PATJ: variants seen among roughly 807,000 people sequenced by gnomAD.
The protein encoded by PATJ is PATJ crumbs cell polarity complex component, also known as inaD-like protein.
A neutral mutation model predicts 224.9 loss-of-function variants in PATJ; 190 were observed. That is an observed-to-expected ratio of 0.84 (90% CI 0.75 to 0.95). The LOEUF is 0.95. Ranked by LOEUF, PATJ falls within the 40% of genes least tolerant of loss-of-function variation. The pLI is 0.00. For missense variants in PATJ, 2,121 were observed against 2,270.3 expected (o/e 0.93, Z 1.34); for synonymous variants, 769 against 820.3 (o/e 0.94, Z 1.07).
intron 33 of PATJ, among the ~76,000 whole-genome samples, chr1:62,089,749 GTCTTGGGATGGCA>G (rs150996277): frequency 0.026 from 3,998 of 151,936 alleles, 111 homozygotes; most frequent in South Asian, 0.14. Context: ...TTCCAGTCAG[GTCTTGGGATGGCA>G]TCCAGCTAGC....
intron 27 of PATJ, among the ~76,000 whole-genome samples, chr1:61,939,146 AAAT>A (rs1178681840): frequency 1.7e-4 from 25 of 147,126 alleles, no homozygotes; most frequent in African/African-American, 6.2e-4. Context: ...AAAAAAAAAA[AAAT>A]TCATGTAATT....
intron 30 of PATJ, chr1:62,039,049 GGGAA>G: frequency 1.1e-6 from 1 of 950,720 alleles, no homozygotes; most frequent in Non-Finnish European, 1.7e-6. Context: ...ATCAGATAAT[GGGAA>G]CATTATGATC....
intron 41 of PATJ, among the ~76,000 whole-genome samples, chr1:62,144,795 T>TATAA (rs1558231544): frequency 2.1e-5 from 3 of 146,258 alleles, no homozygotes; most frequent in Non-Finnish European, 3.0e-5. Context: ...TATATATATA[T>TATAA]AATTAGCAGA....
rs191905739 is a variant in PATJ, at chr1:62,043,469, C to A, written c.4032+5420C>A. Among the ~76,000 whole-genome samples the A allele has an allele frequency of 2.7e-3, 404 of 152,162 alleles. 1 individual carries two copies. Among genetic ancestry groups the A allele is most frequent in the Admixed American group, 5.0e-3 (77 of 15,280 alleles). On this transcript the variant is annotated intron_variant, in intron 30 of 43. Transcript: ENST00000642238. ...ATGGGTTTGATAATAATAATTAATT[C>A]TATGGACTTGTTAGAAGTATTAAGT...
chr1:61,978,697 A>AT (rs570510358), intron 27 of PATJ, among the ~76,000 whole-genome samples: 5 of 151,972 alleles, frequency 3.3e-5, no homozygotes, highest in Admixed American at 6.6e-5. Flanking sequence ...ATTATACCTG[A>AT]TTTTTTTTAA....
intron 43 of PATJ, among the ~76,000 whole-genome samples, chr1:62,154,361 T>C (rs1307604795): frequency 6.6e-6 from 1 of 152,116 alleles, no homozygotes; most frequent in African/African-American, 2.4e-5. Flanking sequence ...ACTGCTTTGT[T>C]TTCCTAAAGA....
At chr1:61,880,954 C>T (rs1012731798) in intron 21 of PATJ, among the ~76,000 whole-genome samples, 1 of 152,120 alleles carries the variant, frequency 6.6e-6, no homozygotes, top group Non-Finnish European at 1.5e-5. Context: ...ATTAGCCGGG[C>T]ATGGTGGCAC....
At chr1:62,123,176 T>G (rs1305170792) in intron 39 of PATJ, 118 bp downstream of exon 39, 15 of 700,130 alleles carry the variant, frequency 2.1e-5, no homozygotes, top group Non-Finnish European at 3.4e-5. Context: ...GTTACTGAGA[T>G]AAAAATATGG....
At chr1:61,833,518 A>G in intron 16 of PATJ, 136 bp from the exon 17 acceptor site, 1 of 804,582 alleles carries the variant, frequency 1.2e-6, no homozygotes, top group East Asian at 2.9e-5. Flanking sequence ...CCCTTTTACA[A>G]AGATTAAAAA....
chr1:61,864,702 A>G (rs17371993), intron 20 of PATJ, 69 bp downstream of exon 20: 1 of 1,371,758 alleles, frequency 7.3e-7, no homozygotes, highest in Non-Finnish European at 9.9e-7. Context: ...TCTCTAACTC[A>G]TGTCACTTCA....
intron 28 of PATJ, among the ~76,000 whole-genome samples, chr1:62,001,551 C>T (rs528593559): frequency 2.0e-5 from 3 of 151,022 alleles, no homozygotes; most frequent in Non-Finnish European, 4.4e-5. Flanking sequence ...TGATCTATAT[C>T]TCTGTTTCGG....
At chr1:61,958,729 A>G (rs1211794476) in intron 27 of PATJ, among the ~76,000 whole-genome samples, 2 of 152,198 alleles carry the variant, frequency 1.3e-5, no homozygotes, top group African/African-American at 4.8e-5. Flanking sequence ...GAGGGAGAAT[A>G]TGGAGGCCCA....
chr1:61,821,353 A>G (rs940817560), intron 14 of PATJ, among the ~76,000 whole-genome samples: 15 of 152,310 alleles, frequency 9.8e-5, no homozygotes, highest in South Asian at 6.2e-4. Context: ...CGGAAAAACT[A>G]TCTTAGCCTT....
At chr1:61,848,245 C>T (rs550983098) in intron 17 of PATJ, among the ~76,000 whole-genome samples, 5 of 152,286 alleles carry the variant, frequency 3.3e-5, no homozygotes, top group East Asian at 1.9e-4. Context: ...AGGTGGGGAC[C>T]GGGCTAGGTC....
At chr1:62,051,626 C>G (rs1019026364) in intron 31 of PATJ, among the ~76,000 whole-genome samples, 4 of 152,240 alleles carry the variant, frequency 2.6e-5, no homozygotes, top group African/African-American at 9.6e-5. Context: ...TGTGCCTGGC[C>G]TGCAATTTAT....
chr1:61,861,284 CTTTTTT>C, intron 18 of PATJ, among the ~76,000 whole-genome samples: 3,627 of 48,930 alleles, frequency 0.074, 155 homozygotes, highest in Middle Eastern at 0.22. Flanking sequence ...TTCTTTCTTT[CTTTTTT>C]TTTTTTTTTT....
chr1:61,790,703 G>A lies in PATJ; in HGVS notation c.1069-645G>A, dbSNP rs537162789. On this transcript the variant is annotated intron_variant, in intron 8 of 43. Transcript: ENST00000642238. Reference sequence around the variant, plus strand: ...TAATATTTGTATTTTTAGTAGAGACGGGGTTTCATCATGCTGGCCAGGCTG... The same window carrying A: ...TAATATTTGTATTTTTAGTAGAGACAGGGTTTCATCATGCTGGCCAGGCTG... 3.6e-3 allele frequency among the ~76,000 whole-genome samples: 540 copies of A among 151,810 alleles called. 4 individuals are homozygous for A. The highest frequency in any genetic ancestry group is 0.013 in the African/African-American group (522 of 41,404).
At chr1:61,968,555 T>C (rs1188311733) in intron 27 of PATJ, among the ~76,000 whole-genome samples, 1 of 152,198 alleles carries the variant, frequency 6.6e-6, no homozygotes, top group African/African-American at 2.4e-5. Flanking sequence ...CTTTTTTTAA[T>C]GTATTTTTTT....
At chr1:61,761,007 C>T (rs1645938853) in intron 1 of PATJ, among the ~76,000 whole-genome samples, 1 of 151,866 alleles carries the variant, frequency 6.6e-6, no homozygotes, top group Non-Finnish European at 1.5e-5. Flanking sequence ...GAGATGGGGT[C>T]TCCCTTTGTC....
Sources: gnomAD v4.1 joint callset for allele counts (sites outside exome capture counted in the v4.1 genomes callset) on GRCh38, gnomAD v4.1.1 for gene constraint, MANE v1.5 for transcripts, NCBI Gene and HGNC (gene_info 2026-07-23, HGNC 2026-07-21) for gene names.